SPRTN: variants seen among roughly 807,000 people sequenced by gnomAD.
SPRTN encodes the protein DNA-dependent metalloprotease SPRTN.
Under a neutral mutation model 31.9 loss-of-function variants are expected in SPRTN, and 11 were observed. The ratio of observed to expected loss-of-function variants is 0.34; its 90% CI spans 0.22 to 0.57. SPRTN has a LOEUF of 0.57. SPRTN is among the 20% of genes least tolerant of loss of function. The probability of loss-of-function intolerance (pLI) is 0.86; values close to 1 mark genes in which losing one functional copy is unlikely to be tolerated. For synonymous variants in SPRTN, 185 were observed against 212.1 expected (o/e 0.87, Z 1.11); for missense variants, 482 against 590.1 (o/e 0.82, Z 1.90).
chr1:231,351,509 C>CA lies in SPRTN; in HGVS notation c.663dup (p.Gly222ArgfsTer18), dbSNP rs752960031. 2.1e-5 allele frequency: 34 copies of CA among 1,613,788 alleles called. No homozygotes were observed. Among genetic ancestry groups the CA allele is most frequent in the Non-Finnish European group, 2.7e-5 (32 of 1,179,974 alleles). ...AAAATCAAGGAACCAGAGAATTACT[C>CA]AAAAAAAGGCAAAGGAAAGGCAAAA... On this transcript the variant is annotated frameshift_variant, in exon 4 of 5. Coordinates refer to ENST00000295050, the MANE Select transcript of SPRTN (RefSeq NM_032018.7). LOFTEE classifies it high-confidence loss of function.
chr1:231,351,181 A>G, intron 3 of SPRTN, 123 bp from the exon 4 acceptor site: 4 of 1,170,928 alleles, frequency 3.4e-6, no homozygotes, highest in Non-Finnish European at 4.3e-6. Flanking sequence ...ACTTTTCAGA[A>G]AGCTCTGGGA....
chr1:231,339,955 A>G lies in SPRTN; in HGVS notation c.321+87A>G, dbSNP rs565651311. The G allele has an allele frequency of 3.3e-5, 43 of 1,308,012 alleles. No homozygotes were observed. In the African/African-American group the frequency reaches 4.1e-4, roughly 13 times the overall value. The allele number at this position is 1,308,012 out of a possible 1,614,324, so 81.0% of individuals were successfully genotyped here. A position where few individuals can be genotyped will look rare whatever the true frequency, so the allele number is the denominator to read the frequency against. ...GACTGCTGTGAATTCGCCTGTATGTATCGTTAAAAAAAGTCACTTTGCCCT... is the reference window on the plus strand; with the variant it reads ...GACTGCTGTGAATTCGCCTGTATGTGTCGTTAAAAAAAGTCACTTTGCCCT... On this transcript the variant is annotated intron_variant, in intron 2 of 4. Transcript: ENST00000295050.
In SPRTN at chr1:231,354,206, G is replaced by A; in HGVS notation, c.*845G>A. On this transcript the variant is annotated 3_prime_UTR_variant, in exon 5 of 5. Coordinates refer to ENST00000295050, the MANE Select transcript of SPRTN (RefSeq NM_032018.7). The stretch of plus-strand genomic sequence containing the variant: ...AATAGTATTTTGAACTTTAAGCCAA[G>A]TTTAAAACATTATAATAAAAGGAAT... 1 of 980,708 alleles carries A rather than the reference G, an allele frequency of 1.0e-6. No homozygotes were observed. The highest frequency in any genetic ancestry group is 1.2e-6 in the Non-Finnish European group (1 of 825,716). The allele number at this position is 980,708 out of a possible 1,614,324, so 60.8% of individuals were successfully genotyped here.
chr1:231,343,704 T>C (rs1686970749), intron 2 of SPRTN, among the ~76,000 whole-genome samples: 1 of 152,184 alleles, frequency 6.6e-6, no homozygotes, highest in Non-Finnish European at 1.5e-5. Flanking sequence ...GGTCTCATGC[T>C]GTGATTGTGG....
rs1375648774 is a variant in SPRTN, at chr1:231,353,060, C to A, written c.1169C>A (p.Ser390Tyr). ...RNSSKVTESA[S>Y]VMPSQDVSGS... ...TCTTCAAAAGTAACGGAATCAGCAT[C>A]TGTGATGCCATCCCAGGATGTGAGT... The change falls in exon 5 of 5, where the codon TCT becomes TAT. Residue 390 changes from serine to tyrosine, a missense_variant. Ser to Tyr is a moderately radical substitution (Grantham distance 144). Coordinates refer to ENST00000295050, the MANE Select transcript of SPRTN (RefSeq NM_032018.7). The A allele has an allele frequency of 1.9e-6, 3 of 1,614,046 alleles. No individual in the cohort carries two copies. Among genetic ancestry groups the A allele is most frequent in the Non-Finnish European group, 2.5e-6 (3 of 1,180,018 alleles).
In SPRTN at chr1:231,339,659, C is replaced by CT. The variant is rs1034755123; in HGVS notation, c.222-107dup. 3.8e-4 allele frequency: 419 copies of CT among 1,102,502 alleles called. 4 individuals are homozygous for CT. Among genetic ancestry groups the CT allele is most frequent in the South Asian group, 1.8e-3 (138 of 77,742 alleles). The allele number at this position is 1,102,502 out of a possible 1,614,324, so 68.3% of individuals were successfully genotyped here. On this transcript the variant is annotated intron_variant, in intron 1 of 4. Coordinates refer to ENST00000295050, the MANE Select transcript of SPRTN (RefSeq NM_032018.7). Reference sequence around the variant, plus strand: ...GTATCTGCTAACCAAGGGGGGTATACTTTCATGAAAGCCATCTGCCAACTG... The same window carrying CT: ...GTATCTGCTAACCAAGGGGGGTATACTTTTCATGAAAGCCATCTGCCAACTG...
At position 231,347,988 on chromosome 1, in the gene SPRTN, T is replaced by C. The variant is rs1687112704; in HGVS notation, c.450+63T>C. The C allele has an allele frequency of 4.0e-5, 62 of 1,559,944 alleles. 1 individual carries two copies. In the South Asian group the frequency reaches 7.1e-4, roughly 18 times the overall value. On this transcript the variant is annotated intron_variant, in intron 3 of 4. Coordinates refer to ENST00000295050, the MANE Select transcript of SPRTN (RefSeq NM_032018.7). Reference sequence around the variant, plus strand: ...TGTTTATTCAATAACTCCTGAGATTTAATTAAAAGTAGAGAACTAGGTAGA... The same window carrying C: ...TGTTTATTCAATAACTCCTGAGATTCAATTAAAAGTAGAGAACTAGGTAGA...
At chr1:231,339,611 C>T (rs1050718154) in intron 1 of SPRTN, 158 bp from the exon 2 acceptor site, 18 of 840,524 alleles carry the variant, frequency 2.1e-5, no homozygotes, top group Non-Finnish European at 3.3e-5. Flanking sequence ...GGGGTTGTAA[C>T]TAATTAATTA....
chr1:231,338,302 C>A lies in SPRTN; in HGVS notation c.-82C>A. On this transcript the variant is annotated 5_prime_UTR_variant, in exon 1 of 5. Coordinates refer to ENST00000295050, the MANE Select transcript of SPRTN (RefSeq NM_032018.7). The stretch of plus-strand genomic sequence containing the variant: ...GCATCTCCTAGGAGCTAGTCCTGGT[C>A]CTCGGCTAGGCGGCTTGGGGTCGCG... The A allele has an allele frequency of 6.7e-7, 1 of 1,490,772 alleles. No homozygotes were observed. Among genetic ancestry groups the A allele is most frequent in the Non-Finnish European group, 9.2e-7 (1 of 1,085,600 alleles). 92.3% of individuals were successfully genotyped at this position (1,490,772 alleles called of 1,614,324 possible). A position where few individuals can be genotyped will look rare whatever the true frequency, so the allele number is the denominator to read the frequency against.
At chr1:231,346,323 G>A (rs556598524) in intron 2 of SPRTN, among the ~76,000 whole-genome samples, 54 of 147,906 alleles carry the variant, frequency 3.7e-4, no homozygotes, top group African/African-American at 1.3e-3. Flanking sequence ...TGAGTATACT[G>A]CTCGGACTAC....
At position 231,354,957 on chromosome 1, in the gene SPRTN, G is replaced by A; in HGVS notation, c.*1596G>A. The A allele has an allele frequency of 1.1e-6, 1 of 937,646 alleles. No homozygotes were observed. The highest frequency in any genetic ancestry group is 1.3e-6 in the Non-Finnish European group (1 of 786,576). 58.1% of individuals were successfully genotyped at this position (937,646 alleles called of 1,614,324 possible). ...CAGCCCTTTTCGTTTTAGACTGGTT[G>A]GCTGTTCACAAATTTTGATATTCCT... is the stretch of plus-strand genomic sequence containing the variant. On this transcript the variant is annotated 3_prime_UTR_variant, in exon 5 of 5. Coordinates refer to ENST00000295050, the MANE Select transcript of SPRTN (RefSeq NM_032018.7).
rs773726644 is a variant in SPRTN at position 231,339,898 on chromosome 1, G to A, written c.321+30G>A. The stretch of plus-strand genomic sequence containing the variant: ...TTTTCGTGTAAACTTGCTTCCTAGC[G>A]CAGTAATTTACAAATACTTGTCAAT... On this transcript the variant is annotated intron_variant, in intron 2 of 4. Transcript: ENST00000295050. 5 of 1,597,202 alleles carry A rather than the reference G, an allele frequency of 3.1e-6. No individual in the cohort carries two copies. In the South Asian group the frequency reaches 5.5e-5, roughly 18 times the overall value.
rs542344595 is a variant in SPRTN, at chr1:231,347,695, C to T, written c.322-102C>T. 3.0e-6 allele frequency: 4 copies of T among 1,352,050 alleles called. No individual in the cohort carries two copies. The South Asian group carries it at 6.0e-5, about 20-fold the overall frequency. 83.8% of individuals were successfully genotyped at this position (1,352,050 alleles called of 1,614,324 possible). A position where few individuals can be genotyped will look rare whatever the true frequency, so the allele number is the denominator to read the frequency against. On this transcript the variant is annotated intron_variant, in intron 2 of 4. Coordinates refer to ENST00000295050, the MANE Select transcript of SPRTN (RefSeq NM_032018.7). ...GAGTTTTATCAGTTCTGAAGGAAGC[C>T]TGTGATACAGAAAAGGTTAGACACC... is the stretch of plus-strand genomic sequence containing the variant.
At chr1:231,342,556 A>G (rs1486948940) in intron 2 of SPRTN, among the ~76,000 whole-genome samples, 1 of 151,250 alleles carries the variant, frequency 6.6e-6, no homozygotes, top group African/African-American at 2.4e-5. Flanking sequence ...TCAGCCTCCC[A>G]AGTAGCTGCG....
Position 231,351,539 on chromosome 1 carries a change from G to T in SPRTN, c.686G>T (p.Gly229Val). ...AAAGGCAAAGGAAAGGCAAAACTAG[G>T]AAAGGAACCAGTATTGGCCGCAGAG... ...SKKGKGKAKL[G>V]KEPVLAAENK... is the part of the protein sequence containing the mutation. Residue 229 changes from glycine to valine, a missense_variant, in exon 4 of 5, where the codon GGA becomes GTA. Physicochemically the swap from Gly to Val is moderately radical, Grantham distance 109 (BLOSUM62 -3). This residue lies in a region of SPRTN where 325 missense variants were observed against 350.2 expected (regional missense o/e 0.93). Transcript: ENST00000295050. The T allele has an allele frequency of 6.2e-7, 1 of 1,614,132 alleles. No individual in the cohort carries two copies. Among genetic ancestry groups the T allele is most frequent in the Non-Finnish European group, 8.5e-7 (1 of 1,180,030 alleles).
chr1:231,351,386 C>T lies in SPRTN; in HGVS notation c.533C>T (p.Pro178Leu), dbSNP rs1233235170. The change falls in exon 4 of 5, where the codon CCG (proline) becomes CTG (leucine). Residue 178 changes from proline (P) to leucine (L), a missense_variant. This residue lies in a region of SPRTN where 157 missense variants were observed against 239.9 expected (regional missense o/e 0.65). Coordinates refer to ENST00000295050, the MANE Select transcript of SPRTN (RefSeq NM_032018.7). The part of the protein sequence containing the change: ...RCNGPCQHRP[P>L]YYGYVKRATN... ...AATGGGCCGTGCCAGCACAGGCCAC[C>T]GTATTACGGCTATGTCAAACGAGCT... 4 of 1,614,038 alleles carry T rather than the reference C, an allele frequency of 2.5e-6. No individual in the cohort carries two copies. The highest frequency in any genetic ancestry group is 1.1e-5 in the South Asian group (1 of 91,068).
Position 231,354,309 on chromosome 1 carries a change from T to G in SPRTN, c.*948T>G. The G allele has an allele frequency of 3.1e-6, 3 of 982,174 alleles. No individual in the cohort carries two copies. In the South Asian group the frequency reaches 1.4e-4, roughly 46 times the overall value. 60.8% of individuals were successfully genotyped at this position (982,174 alleles called of 1,614,324 possible). The stretch of plus-strand genomic sequence containing the variant: ...TAGGGAAAGGACAAAGAGACTTTTA[T>G]CAGTTTGCTTTTTGTCTTGTGGCTG... On this transcript the variant is annotated 3_prime_UTR_variant, in exon 5 of 5. Coordinates refer to ENST00000295050, the MANE Select transcript of SPRTN (RefSeq NM_032018.7).
At chr1:231,349,511 G>A (rs1039413409) in intron 3 of SPRTN, among the ~76,000 whole-genome samples, 2 of 152,262 alleles carry the variant, frequency 1.3e-5, no homozygotes, top group Non-Finnish European at 2.9e-5. Context: ...TTGTTCAGCT[G>A]GAAGAGTATC....
rs543194459 is a variant in SPRTN at position 231,339,790 on chromosome 1, T to C, written c.243T>C (p.Tyr81=). ...RMTLCAGICS[Y]EGKGGMCSIR... The stretch of plus-strand genomic sequence containing the variant: ...CTAGGTGTGCTGGGATATGCAGCTA[T>C]GAAGGGAAGGGTGGAATGTGTTCCA... Residue 81 remains tyrosine (Y), a synonymous_variant, in exon 2 of 5, where the codon TAT becomes TAC. Transcript: ENST00000295050. The C allele has an allele frequency of 6.2e-7, 1 of 1,614,116 alleles. No homozygotes were observed. Among genetic ancestry groups the C allele is most frequent in the East Asian group, 2.2e-5 (1 of 44,866 alleles).
Sources: allele counts gnomAD v4.1 joint callset (sites outside exome capture counted in the v4.1 genomes callset), GRCh38; gene constraint gnomAD v4.1.1; regional missense constraint gnomAD v4.1.1; transcripts MANE v1.5; gene names NCBI Gene and HGNC (gene_info 2026-07-23, HGNC 2026-07-21).